The following NTF3 variants were observed in gnomAD, a reference collection of about 807,000 sequenced individuals.
NTF3 encodes neurotrophin-3.
NTF3 carries 8 observed loss-of-function variants against 26.3 expected under a neutral mutation model. That is an observed-to-expected ratio of 0.30 (90% CI 0.18 to 0.55). The LOEUF is 0.55. NTF3 is among the 20% of genes least tolerant of loss of function. The pLI is 0.93. For missense variants in NTF3, 276 were observed against 352.9 expected (o/e 0.78, Z 1.75); for synonymous variants, 154 against 145.5 (o/e 1.06, Z -0.42).
chr12:5,476,628 G>A (rs1478800321), intron 1 of NTF3, among the ~76,000 whole-genome samples: 2 of 152,210 alleles, frequency 1.3e-5, no homozygotes, highest in African/African-American at 4.8e-5. Flanking sequence ...CATGAGAATA[G>A]CACACCCGTA....
intron 1 of NTF3, among the ~76,000 whole-genome samples, chr12:5,452,034 T>C (rs10492095): frequency 0.33 from 49,657 of 151,224 alleles, 8,457 homozygotes; most frequent in East Asian, 0.57. Flanking sequence ...TATAACCAGT[T>C]TTTACCTGGC....
chr12:5,432,303 T>G lies in NTF3; in HGVS notation c.-22T>G. The stretch of plus-strand genomic sequence containing the variant: ...ACCTTTCTCTTCATGTCGACGTCCC[T>G]GGAAACGGCCACACGGATGCCATGG... On this transcript the variant is annotated 5_prime_UTR_variant, in exon 1 of 2. Transcript: ENST00000423158. 1 of 1,612,624 alleles carries G rather than the reference T, an allele frequency of 6.2e-7. No individual in the cohort carries two copies. Among genetic ancestry groups the G allele is most frequent in the Non-Finnish European group, 8.5e-7 (1 of 1,179,448 alleles).
intron 1 of NTF3, among the ~76,000 whole-genome samples, chr12:5,443,459 T>C (rs1448033901): frequency 1.3e-5 from 2 of 152,148 alleles, no homozygotes; most frequent in African/African-American, 4.8e-5. Context: ...TTGGGTGCTG[T>C]TAAAATACAA....
intron 1 of NTF3, among the ~76,000 whole-genome samples, chr12:5,459,749 C>T (rs1016906406): frequency 5.3e-5 from 8 of 152,170 alleles, no homozygotes; most frequent in African/African-American, 1.7e-4. Context: ...GCAGGACCTT[C>T]GAGGGGCTGC....
intron 1 of NTF3, among the ~76,000 whole-genome samples, chr12:5,471,581 G>T (rs1405421562): frequency 6.6e-6 from 1 of 151,570 alleles, no homozygotes; most frequent in East Asian, 1.9e-4. Flanking sequence ...ATCTCTTTCT[G>T]TGTCTGTGCG....
chr12:5,480,578 T>C (rs1784772645), intron 1 of NTF3, among the ~76,000 whole-genome samples: 1 of 152,046 alleles, frequency 6.6e-6, no homozygotes, highest in Non-Finnish European at 1.5e-5. Context: ...GCATGGGAGC[T>C]GACCCGGGAG....
intron 1 of NTF3, among the ~76,000 whole-genome samples, chr12:5,473,994 G>A (rs1940694674): frequency 6.6e-6 from 1 of 152,272 alleles, no homozygotes; most frequent in East Asian, 1.9e-4. Context: ...TCTTGGCTCT[G>A]AATAAATACC....
chr12:5,486,514 T>G (rs1940867127), intron 1 of NTF3, among the ~76,000 whole-genome samples: 1 of 152,230 alleles, frequency 6.6e-6, no homozygotes, highest in African/African-American at 2.4e-5. Flanking sequence ...AGCCCCTACC[T>G]TGTAATGGTA....
At chr12:5,432,076 C>A, upstream of NTF3, 1 of 503,256 alleles carries the variant, frequency 2.0e-6, no homozygotes, top group Non-Finnish European at 3.6e-6. Context: ...GCCGGGTTGG[C>A]TGGTTATAAC....
At chr12:5,491,937 A>G (rs564320262) in intron 1 of NTF3, among the ~76,000 whole-genome samples, 4 of 151,334 alleles carry the variant, frequency 2.6e-5, no homozygotes, top group African/African-American at 9.7e-5. Context: ...GATGGTCTCG[A>G]TCTCCTGACC....
intron 1 of NTF3, among the ~76,000 whole-genome samples, chr12:5,487,497 A>G (rs1303458632): frequency 3.3e-5 from 5 of 152,220 alleles, no homozygotes; most frequent in Admixed American, 1.3e-4. Flanking sequence ...TTAGGGAGGC[A>G]AGTCAGTCTT....
rs11063713 is a variant in NTF3, at chr12:5,494,436, G to C, written c.261G>C (p.Arg87=). The change falls in exon 2 of 2, where the codon CGG becomes CGC. Residue 87 remains arginine, a synonymous_variant. Coordinates refer to ENST00000423158, the MANE Select transcript of NTF3 (RefSeq NM_001102654.2). The surrounding 1 kb of genome is among the most constrained non-coding windows in gnomAD (Gnocchi z 8.3). Reference sequence around the variant, plus strand: ...CTGAGGCTCCCCGAGAGCCGGAGCGGGGAGGGCCCGCCAAGTCAGCATTCC... The same window carrying C: ...CTGAGGCTCCCCGAGAGCCGGAGCGCGGAGGGCCCGCCAAGTCAGCATTCC... ...PKAEAPREPE[R]GGPAKSAFQP... 0.027 allele frequency: 43,854 copies of C among 1,613,072 alleles called. 4,508 individuals are homozygous for C. The highest frequency in any genetic ancestry group is 0.25 in the Admixed American group (14,909 of 59,978).
intron 1 of NTF3, among the ~76,000 whole-genome samples, chr12:5,449,716 G>A (rs1386929696): frequency 6.6e-6 from 1 of 152,184 alleles, no homozygotes; most frequent in African/African-American, 2.4e-5. Context: ...AAATCACTTA[G>A]CCCCTCTGAG....
At chr12:5,475,755 G>T (rs1460452588) in intron 1 of NTF3, among the ~76,000 whole-genome samples, 2 of 151,906 alleles carry the variant, frequency 1.3e-5, no homozygotes, top group African/African-American at 4.8e-5. Context: ...GGCATCACCT[G>T]AGCCCAAGAG....
At chr12:5,485,762 A>T (rs1940859270) in intron 1 of NTF3, among the ~76,000 whole-genome samples, 1 of 152,160 alleles carries the variant, frequency 6.6e-6, no homozygotes. Context: ...CACAGTGTTT[A>T]TTAAGTGCCT....
chr12:5,445,579 T>C (rs539990629), intron 1 of NTF3, among the ~76,000 whole-genome samples: 1 of 152,338 alleles, frequency 6.6e-6, no homozygotes, highest in Admixed American at 6.5e-5. Context: ...TCCCATGTCC[T>C]GACTATTCCA....
upstream of NTF3, among the ~76,000 whole-genome samples, chr12:5,431,607 G>A (rs993778107): frequency 2.0e-5 from 3 of 151,998 alleles, no homozygotes; most frequent in Non-Finnish European, 4.4e-5. Flanking sequence ...GAGCTGGAAG[G>A]GTCTAAGGTT....
At chr12:5,476,945 C>T (rs889390200) in intron 1 of NTF3, among the ~76,000 whole-genome samples, 19 of 151,848 alleles carry the variant, frequency 1.3e-4, no homozygotes, top group Non-Finnish European at 2.4e-4. Flanking sequence ...ATAATAATAC[C>T]TGTGGGAGCT....
intron 1 of NTF3, among the ~76,000 whole-genome samples, chr12:5,459,803 C>A (rs1419814674): frequency 6.6e-6 from 1 of 152,164 alleles, no homozygotes; most frequent in Non-Finnish European, 1.5e-5. Context: ...GTCTCCAGTT[C>A]TTTCTTCTCT....
Sources: allele counts gnomAD v4.1 joint callset (sites outside exome capture counted in the v4.1 genomes callset), GRCh38; gene constraint gnomAD v4.1.1; non-coding constraint Gnocchi (gnomAD v3.1); transcripts MANE v1.5; gene names NCBI Gene and HGNC (gene_info 2026-07-23, HGNC 2026-07-21).